Variants in MFSD6 observed in about 807,000 individuals in gnomAD.
MFSD6 encodes major facilitator superfamily domain-containing protein 6.
Under a neutral mutation model 56.3 loss-of-function variants are expected in MFSD6, and 26 were observed. That is an observed-to-expected ratio of 0.46 (90% CI 0.34 to 0.64). The LOEUF (loss-of-function observed/expected upper bound fraction) is 0.64. Among genes scored for constraint, MFSD6 ranks in the 30% least tolerant of loss-of-function variants. MFSD6 has a pLI of 0.01. For missense variants in MFSD6, 750 were observed against 986.2 expected, an observed-to-expected ratio of 0.76 and a Z score of 3.21; for synonymous variants, 331 against 366.9, an observed-to-expected ratio of 0.90 and a Z score of 1.12.
chr2:190,480,530 C>T (rs1191417439), intron 4 of MFSD6, among the ~76,000 whole-genome samples: 1 of 152,190 alleles, frequency 6.6e-6, no homozygotes, highest in Non-Finnish European at 1.5e-5. Flanking sequence ...TCTTGCCATC[C>T]ATAACACATC....
At chr2:190,420,418 C>T (rs1685569452) in intron 2 of MFSD6, among the ~76,000 whole-genome samples, 1 of 152,026 alleles carries the variant, frequency 6.6e-6, no homozygotes, top group Non-Finnish European at 1.5e-5. Context: ...ATCTCATGAC[C>T]TCTTCTCAAT....
intron 4 of MFSD6, among the ~76,000 whole-genome samples, chr2:190,480,684 A>T (rs948812577): frequency 6.6e-6 from 1 of 152,224 alleles, no homozygotes; most frequent in African/African-American, 2.4e-5. Flanking sequence ...TTTGAATTCT[A>T]ACTCCCCTAC....
chr2:190,473,440 G>C (rs1302712265), intron 4 of MFSD6, among the ~76,000 whole-genome samples: 2 of 152,108 alleles, frequency 1.3e-5, no homozygotes, highest in African/African-American at 4.8e-5. Context: ...TGCAATCCTG[G>C]TCTCTGATAA....
intron 2 of MFSD6, chr2:190,435,776 A>G: frequency 2.4e-6 from 1 of 413,606 alleles, no homozygotes; most frequent in Non-Finnish European, 4.3e-6. Context: ...TTAGTCAGTC[A>G]GTGGCCATAA....
Position 190,424,191 on chromosome 2 carries a change from T to TG in MFSD6, c.-54+8778_-54+8779insG, listed in dbSNP as rs1404990925. Among the ~76,000 whole-genome samples, 5 of 151,980 alleles carry TG rather than the reference T, an allele frequency of 3.3e-5. No homozygotes were observed. Among genetic ancestry groups the TG allele is most frequent in the Non-Finnish European group, 7.4e-5 (5 of 67,986 alleles). ...TATGGATCATGGTATCGGTGTCAAG[T>TG]CTAAAAACTCTGCCTAGCACTAGAG... On this transcript the variant is annotated intron_variant, in intron 2 of 7. Coordinates refer to ENST00000392328, the MANE Select transcript of MFSD6 (RefSeq NM_017694.4). This position sits in a 1 kb window ranked among gnomAD's most constrained non-coding sequence, Gnocchi z 5.9.
Position 190,491,031 on chromosome 2 carries a change from A to C in MFSD6, c.1891+1165A>C, listed in dbSNP as rs1689317686. Among the ~76,000 whole-genome samples the C allele has an allele frequency of 6.6e-6, 1 of 152,240 alleles. No homozygotes were observed. Among genetic ancestry groups the C allele is most frequent in the Non-Finnish European group, 1.5e-5 (1 of 68,042 alleles). ...TAAAAATAACTATCATGGCTCTCCCAAAGTTATAAGATGTAGTTAAAGTTG... is the reference window on the plus strand; with the variant it reads ...TAAAAATAACTATCATGGCTCTCCCCAAGTTATAAGATGTAGTTAAAGTTG... On this transcript the variant is annotated intron_variant, in intron 6 of 7. Coordinates refer to ENST00000392328, the MANE Select transcript of MFSD6 (RefSeq NM_017694.4). The surrounding 1 kb of genome is among the most constrained non-coding windows in gnomAD (Gnocchi z 4.2).
intron 4 of MFSD6, among the ~76,000 whole-genome samples, chr2:190,475,809 C>G (rs1688271420): frequency 6.6e-6 from 1 of 152,174 alleles, no homozygotes; most frequent in African/African-American, 2.4e-5. Flanking sequence ...TGACTTCAAA[C>G]TATACTACAA....
chr2:190,412,960 G>A lies in MFSD6; in HGVS notation c.-175-2332G>A, dbSNP rs1057147474. Among the ~76,000 whole-genome samples, 8 of 152,186 alleles carry A rather than the reference G, an allele frequency of 5.3e-5. No individual in the cohort carries two copies. The highest frequency in any genetic ancestry group is 1.2e-4 in the Non-Finnish European group (8 of 68,036). ...GATGTTTGGTGCAGGGGCCAAAACA[G>A]AAAAGCCAACCAAATAATAAATAAT... On this transcript the variant is annotated intron_variant, in intron 1 of 7. Coordinates refer to ENST00000392328, the MANE Select transcript of MFSD6 (RefSeq NM_017694.4). The surrounding 1 kb of genome is among the most constrained non-coding windows in gnomAD (Gnocchi z 4.1).
intron 3 of MFSD6, among the ~76,000 whole-genome samples, chr2:190,441,996 A>G (rs1464434393): frequency 6.6e-6 from 1 of 152,172 alleles, no homozygotes; most frequent in Non-Finnish European, 1.5e-5. Flanking sequence ...CCTGATGGCA[A>G]TTGATACTGT....
At chr2:190,414,662 C>G (rs1690703333) in intron 1 of MFSD6, among the ~76,000 whole-genome samples, 1 of 152,058 alleles carries the variant, frequency 6.6e-6, no homozygotes, top group South Asian at 2.1e-4. Flanking sequence ...TTCAGGAACT[C>G]CGGGAACAAG....
chr2:190,435,874 T>C, intron 2 of MFSD6, 103 bp from the exon 3 acceptor site: 1 of 981,934 alleles, frequency 1.0e-6, no homozygotes, highest in Admixed American at 3.1e-5. Flanking sequence ...CTCTTGCAAT[T>C]ATTATTTTAG....
chr2:190,500,266 C>T lies in MFSD6; in HGVS notation c.*48C>T. The T allele has an allele frequency of 6.2e-7, 1 of 1,604,448 alleles. No individual in the cohort carries two copies. The highest frequency in any genetic ancestry group is 8.5e-7 in the Non-Finnish European group (1 of 1,173,234). ...CCTGCATGGAATCAGGCTCCTCAGC[C>T]AGGACACAGGGTGAGGCCCCCCAGC... On this transcript the variant is annotated 3_prime_UTR_variant, in exon 8 of 8. Coordinates refer to ENST00000392328, the MANE Select transcript of MFSD6 (RefSeq NM_017694.4). This position sits in a 1 kb window ranked among gnomAD's most constrained non-coding sequence, Gnocchi z 5.3.
chr2:190,427,796 A>G (rs1000343922), intron 2 of MFSD6, among the ~76,000 whole-genome samples: 3 of 151,956 alleles, frequency 2.0e-5, no homozygotes, highest in African/African-American at 7.3e-5. Flanking sequence ...CAATGGCACA[A>G]TCTTGGCTCA....
intron 2 of MFSD6, among the ~76,000 whole-genome samples, chr2:190,432,376 C>A (rs747060165): frequency 6.6e-6 from 1 of 152,176 alleles, no homozygotes; most frequent in African/African-American, 2.4e-5. Context: ...GTTTACAACT[C>A]TGCTTGGTGC....
rs576830153 is a variant in MFSD6, at chr2:190,488,192, C to T, written c.1631-465C>T. On this transcript the variant is annotated intron_variant, in intron 4 of 7. Coordinates refer to ENST00000392328, the MANE Select transcript of MFSD6 (RefSeq NM_017694.4). This position sits in a 1 kb window ranked among gnomAD's most constrained non-coding sequence, Gnocchi z 6.4. The stretch of plus-strand genomic sequence containing the variant: ...CTGGGATTACAGGCGTGAGCCACTG[C>T]GCCCAGCCACTCAAAAGAATTTAAA... Among the ~76,000 whole-genome samples, 9 of 152,206 alleles carry T rather than the reference C, an allele frequency of 5.9e-5. No homozygotes were observed. The South Asian group carries it at 8.3e-4, about 14-fold the overall frequency.
intron 4 of MFSD6, among the ~76,000 whole-genome samples, chr2:190,476,498 A>G (rs1688323384): frequency 6.6e-6 from 1 of 152,226 alleles, no homozygotes; most frequent in Non-Finnish European, 1.5e-5. Context: ...TCAAAACCAC[A>G]ATGAGATACC....
intron 3 of MFSD6, among the ~76,000 whole-genome samples, chr2:190,453,044 T>C (rs576154132): frequency 4.6e-5 from 7 of 152,240 alleles, no homozygotes; most frequent in African/African-American, 1.7e-4. Context: ...TCCTGTGTCA[T>C]GGAGCTCATG....
rs763111049 is a variant in MFSD6, at chr2:190,436,630, C to T, written c.601C>T (p.Leu201Phe). 2.5e-6 allele frequency: 4 copies of T among 1,614,162 alleles called. No individual in the cohort carries two copies. Among genetic ancestry groups the T allele is most frequent in the Non-Finnish European group, 3.4e-6 (4 of 1,180,036 alleles). Reference protein sequence around the residue: ...ISPKMREKRNLLETRLNVSDT... With the variant: ...ISPKMREKRNFLETRLNVSDT... ...ACCAAAAATGCGTGAGAAAAGAAACCTTTTGGAAACAAGGCTCAATGTCTC... is the reference window on the plus strand; with the variant it reads ...ACCAAAAATGCGTGAGAAAAGAAACTTTTTGGAAACAAGGCTCAATGTCTC... Residue 201 changes from leucine to phenylalanine, a missense_variant, in exon 3 of 8, where the codon CTT becomes TTT. Physicochemically the swap from Leu to Phe is conservative, Grantham distance 22. This residue lies in a region of MFSD6 where 376 missense variants were observed against 437.9 expected (regional missense o/e 0.86). Transcript: ENST00000392328. The surrounding 1 kb of genome is among the most constrained non-coding windows in gnomAD (Gnocchi z 5.3).
chr2:190,452,272 C>CACA (rs900004548), intron 3 of MFSD6, among the ~76,000 whole-genome samples: 8 of 151,968 alleles, frequency 5.3e-5, no homozygotes, highest in African/African-American at 9.6e-5. Context: ...ACAACAATAA[C>CACA]ACAACAACAA....
Sources: allele counts gnomAD v4.1 joint callset (sites outside exome capture counted in the v4.1 genomes callset), GRCh38; gene constraint gnomAD v4.1.1; regional missense constraint gnomAD v4.1.1; non-coding constraint Gnocchi (gnomAD v3.1); transcripts MANE v1.5; gene names NCBI Gene and HGNC (gene_info 2026-07-23, HGNC 2026-07-21).